Variants in PDZD8 observed in about 807,000 individuals in gnomAD.
The protein encoded by PDZD8 is PDZ domain containing 8.
A neutral mutation model predicts 85.8 loss-of-function variants in PDZD8; 14 were observed. The ratio of observed to expected loss-of-function variants is 0.16; its 90% CI spans 0.11 to 0.26. The LOEUF (loss-of-function observed/expected upper bound fraction) is 0.26. Ranked by LOEUF, PDZD8 falls within the 10% of genes least tolerant of loss-of-function variation. The probability of loss-of-function intolerance (pLI) is 1.00; values close to 1 mark genes in which losing one functional copy is unlikely to be tolerated. For missense variants in PDZD8, 1,197 were observed against 1,424.3 expected (o/e 0.84, Z 2.57); for synonymous variants, 592 against 568.6 (o/e 1.04, Z -0.59).
At chr10:117,312,430 G>A (rs1844054854) in intron 3 of PDZD8, among the ~76,000 whole-genome samples, 1 of 152,078 alleles carries the variant, frequency 6.6e-6, no homozygotes, top group African/African-American at 2.4e-5. Flanking sequence ...AAAGTTCATT[G>A]ATCCTCCCCT....
intron 4 of PDZD8, among the ~76,000 whole-genome samples, chr10:117,286,838 T>C (rs1844673537): frequency 6.6e-6 from 1 of 152,332 alleles, no homozygotes; most frequent in East Asian, 1.9e-4. Flanking sequence ...ACTATTGCCC[T>C]TTCCTGCTCT....
intron 1 of PDZD8, among the ~76,000 whole-genome samples, chr10:117,366,503 C>T (rs77334036): frequency 0.051 from 7,773 of 151,802 alleles, 204 homozygotes; most frequent in Middle Eastern, 0.068. Context: ...ATCAGTGAAT[C>T]TTTTCTGTAA....
At chr10:117,300,163 A>C (rs1440062417) in intron 3 of PDZD8, among the ~76,000 whole-genome samples, 1 of 152,180 alleles carries the variant, frequency 6.6e-6, no homozygotes, top group Non-Finnish European at 1.5e-5. Context: ...CACAGGTTAA[A>C]AAAACTGGGC....
chr10:117,360,931 G>A (rs1053047368), intron 1 of PDZD8, among the ~76,000 whole-genome samples: 2 of 152,074 alleles, frequency 1.3e-5, no homozygotes, highest in African/African-American at 4.8e-5. Flanking sequence ...ATCCCAAAGA[G>A]CTGCTGTTCA....
rs948144791 is a variant in PDZD8, at chr10:117,279,087, G to A, written c.*4181C>T. The A allele has an allele frequency of 3.9e-5, 6 of 152,320 alleles. No homozygotes were observed. The highest frequency in any genetic ancestry group is 1.9e-4 in the East Asian group (1 of 5,188). The allele number at this position is 152,320 out of a possible 1,614,324, so 9.4% of individuals were successfully genotyped here. On this transcript the variant is annotated 3_prime_UTR_variant, in exon 5 of 5. Coordinates refer to ENST00000334464, the MANE Select transcript of PDZD8 (RefSeq NM_173791.5). ...AAGGCCTGGCAAAGGTATGCCTGCT[G>A]TTGGTCCCTCGGGATAAGATAAAAT...
intron 4 of PDZD8, chr10:117,285,782 G>T (rs1035614211): frequency 7.8e-6 from 8 of 1,026,376 alleles, no homozygotes; most frequent in Non-Finnish European, 9.4e-6. Context: ...TAGGTTAGAT[G>T]ACATCTCTCA....
chr10:117,307,058 G>A (rs550614740), intron 3 of PDZD8, among the ~76,000 whole-genome samples: 1 of 152,042 alleles, frequency 6.6e-6, no homozygotes, highest in African/African-American at 2.4e-5. Flanking sequence ...TTTGACCAAG[G>A]GATTACTTAC....
chr10:117,342,858 G>T (rs190735496), intron 1 of PDZD8, among the ~76,000 whole-genome samples: 52 of 152,206 alleles, frequency 3.4e-4, no homozygotes, highest in Admixed American at 1.1e-3. Flanking sequence ...CACCTCATAT[G>T]CCCAGAAGAC....
chr10:117,312,390 G>A lies in PDZD8; in HGVS notation c.1098+6482C>T, dbSNP rs532401919. The stretch of plus-strand genomic sequence containing the variant: ...TACGCAATCAGAAACCACTGAGGCA[G>A]GCAACTGATAAAATCAGATTTTTAT... On this transcript the variant is annotated intron_variant, in intron 3 of 4. Transcript: ENST00000334464. Among the ~76,000 whole-genome samples the A allele has an allele frequency of 1.4e-3, 217 of 152,268 alleles. 1 individual carries two copies. Among genetic ancestry groups the A allele is most frequent in the African/African-American group, 5.0e-3 (206 of 41,560 alleles).
At chr10:117,367,063 G>T (rs1310467916) in intron 1 of PDZD8, among the ~76,000 whole-genome samples, 5 of 152,226 alleles carry the variant, frequency 3.3e-5, no homozygotes, top group Non-Finnish European at 2.9e-5. Flanking sequence ...GCTATTTCCA[G>T]GAAGAAACTG....
chr10:117,283,914 T>A lies in PDZD8; in HGVS notation c.2819A>T (p.Asn940Ile), dbSNP rs538132473. The A allele has an allele frequency of 2.5e-5, 40 of 1,614,038 alleles. No individual in the cohort carries two copies. Among genetic ancestry groups the A allele is most frequent in the Non-Finnish European group, 3.0e-5 (35 of 1,180,046 alleles). ...CAAATTTAATAAACGAGAACTAGTA[T>A]TGATAATATGCCTTGTCAAACCTGT... ...KTTGLTRHII[N>I]TSSRLLNLRQ... The change falls in exon 5 of 5, where the codon AAT becomes ATT. Residue 940 changes from asparagine (N) to isoleucine (I), a missense_variant. Around this residue, in one of 4 missense-constraint regions of PDZD8, gnomAD observed 418 missense variants for 571.1 expected, o/e 0.73. Transcript: ENST00000334464.
At chr10:117,346,324 G>T (rs1464230056) in intron 1 of PDZD8, among the ~76,000 whole-genome samples, 1 of 147,600 alleles carries the variant, frequency 6.8e-6, no homozygotes, top group Non-Finnish European at 1.5e-5. Flanking sequence ...TGTAAAAAAA[G>T]AAACTATGAA....
At chr10:117,314,461 C>T (rs1490901316) in intron 3 of PDZD8, among the ~76,000 whole-genome samples, 2 of 152,174 alleles carry the variant, frequency 1.3e-5, no homozygotes, top group Non-Finnish European at 2.9e-5. Context: ...TACCATGTAA[C>T]ACTCAGAAAG....
At chr10:117,297,964 T>A (rs1843783466) in intron 3 of PDZD8, among the ~76,000 whole-genome samples, 1 of 152,158 alleles carries the variant, frequency 6.6e-6, no homozygotes, top group African/African-American at 2.4e-5. Flanking sequence ...TCAGATAACC[T>A]TTAGTTTTCC....
intron 2 of PDZD8, among the ~76,000 whole-genome samples, chr10:117,333,137 A>AAAAAAAC (rs1564703089): frequency 4.0e-5 from 6 of 149,110 alleles, no homozygotes; most frequent in African/African-American, 1.2e-4. Context: ...AAAAAAAAAA[A>AAAAAAAC]AAAAAAGGGG....
At chr10:117,292,977 T>C (rs879893915) in intron 3 of PDZD8, among the ~76,000 whole-genome samples, 4 of 152,058 alleles carry the variant, frequency 2.6e-5, no homozygotes, top group Non-Finnish European at 5.9e-5. Context: ...TTTTAGATTT[T>C]AATTTCAGCA....
chr10:117,353,981 C>G (rs1490220271), intron 1 of PDZD8, among the ~76,000 whole-genome samples: 2 of 152,176 alleles, frequency 1.3e-5, no homozygotes, highest in African/African-American at 2.4e-5. Flanking sequence ...ACCCTTTCTT[C>G]AAACTTGCGC....
At chr10:117,346,230 T>A (rs1844705301) in intron 1 of PDZD8, among the ~76,000 whole-genome samples, 1 of 89,132 alleles carries the variant, frequency 1.1e-5, no homozygotes, top group African/African-American at 4.1e-5. Context: ...CGAAACTCCG[T>A]CCAAAAAAAA....
chr10:117,324,306 T>C (rs1468209112), intron 2 of PDZD8, among the ~76,000 whole-genome samples: 1 of 137,680 alleles, frequency 7.3e-6, no homozygotes, highest in Admixed American at 7.3e-5. Context: ...TAGAGCAAAA[T>C]AAGAAACAAA....
Sources: allele counts gnomAD v4.1 joint callset (sites outside exome capture counted in the v4.1 genomes callset), GRCh38; gene constraint gnomAD v4.1.1; regional missense constraint gnomAD v4.1.1; transcripts MANE v1.5; gene names NCBI Gene and HGNC (gene_info 2026-07-23, HGNC 2026-07-21).